Variants in RANBP17 observed in about 807,000 individuals in gnomAD.
The protein encoded by RANBP17 is RAN binding protein 17, also known as ran-binding protein 17.
Under a neutral mutation model 141.2 loss-of-function variants are expected in RANBP17, and 158 were observed. The observed-to-expected ratio is 1.12, with a 90% CI of 0.98 to 1.28. RANBP17 has a LOEUF of 1.28. Among genes scored for constraint, RANBP17 ranks in the 50% most tolerant of loss-of-function variants. The pLI, the probability that RANBP17 is intolerant of heterozygous loss-of-function variation, is 0.00. For missense variants in RANBP17, 1,438 were observed against 1,290.7 expected, an observed-to-expected ratio of 1.11 and a Z score of -1.75; for synonymous variants, 430 against 450.0, an observed-to-expected ratio of 0.96 and a Z score of 0.56.
intron 14 of RANBP17, among the ~76,000 whole-genome samples, chr5:171,090,758 G>A (rs114283917): frequency 0.014 from 2,085 of 152,286 alleles, 26 homozygotes; most frequent in Non-Finnish European, 0.019. Context: ...GATTAAAAGG[G>A]CCCAAGGTAC....
At chr5:171,205,468 C>A (rs1762523753) in intron 19 of RANBP17, 56 bp from the exon 20 acceptor site, 1 of 1,382,332 alleles carries the variant, frequency 7.2e-7, no homozygotes, top group Non-Finnish European at 1.0e-6. Flanking sequence ...GATTATTACT[C>A]CATCTGCTCT....
intron 1 of RANBP17, among the ~76,000 whole-genome samples, chr5:170,870,120 C>T (rs945438068): frequency 2.0e-5 from 3 of 151,974 alleles, no homozygotes; most frequent in Non-Finnish European, 2.9e-5. Context: ...AAAATTCAGT[C>T]CTCCAAATTT....
rs191942296 is a variant in RANBP17 at position 171,055,204 on chromosome 5, A to G, written c.1710+86827A>G. The stretch of plus-strand genomic sequence containing the variant: ...CTGATTCCTGTTTGTCCAGAATTAG[A>G]ATACTGATCCAGATTTTTACATTAC... On this transcript the variant is annotated intron_variant, in intron 14 of 27. Transcript: ENST00000523189. 1.0e-3 allele frequency among the ~76,000 whole-genome samples: 153 copies of G among 152,304 alleles called. 2 individuals are homozygous for G. The South Asian group carries it at 0.015, about 15-fold the overall frequency.
At chr5:171,081,728 G>T (rs1785267948) in intron 14 of RANBP17, among the ~76,000 whole-genome samples, 1 of 152,034 alleles carries the variant, frequency 6.6e-6, no homozygotes, top group African/African-American at 2.4e-5. Flanking sequence ...CTGATTTGAT[G>T]TTATTTTACA....
At chr5:170,936,713 TAATATA>T (rs1455895637) in intron 12 of RANBP17, among the ~76,000 whole-genome samples, 6 of 152,228 alleles carry the variant, frequency 3.9e-5, no homozygotes, top group African/African-American at 1.2e-4. Context: ...TTTTTGGGTG[TAATATA>T]AATATAAATT....
intron 24 of RANBP17, among the ~76,000 whole-genome samples, chr5:171,248,359 TC>T (rs1478743816): frequency 8.0e-6 from 1 of 124,624 alleles, no homozygotes; most frequent in Non-Finnish European, 1.6e-5. Flanking sequence ...AGAGCGAGAC[TC>T]CATCTCAAAA....
At chr5:171,038,866 A>T (rs890135815) in intron 14 of RANBP17, among the ~76,000 whole-genome samples, 6 of 152,064 alleles carry the variant, frequency 3.9e-5, no homozygotes, top group Non-Finnish European at 7.4e-5. Context: ...GTTTGCTTGT[A>T]TATTGTCGAG....
At chr5:171,188,058 C>T (rs976660745) in intron 18 of RANBP17, among the ~76,000 whole-genome samples, 1 of 151,864 alleles carries the variant, frequency 6.6e-6, no homozygotes, top group Non-Finnish European at 1.5e-5. Context: ...CATGCTTTTC[C>T]ACAGACTAAA....
At chr5:171,129,375 A>G (rs1211887581) in intron 14 of RANBP17, among the ~76,000 whole-genome samples, 1 of 152,150 alleles carries the variant, frequency 6.6e-6, no homozygotes, top group Non-Finnish European at 1.5e-5. Flanking sequence ...TAGCTAAGTT[A>G]TAATTAATTA....
At chr5:171,048,268 C>G (rs956255881) in intron 14 of RANBP17, among the ~76,000 whole-genome samples, 3 of 152,108 alleles carry the variant, frequency 2.0e-5, no homozygotes, top group Non-Finnish European at 4.4e-5. Context: ...CTCTGTTGCC[C>G]TGGCTGGTCT....
At chr5:171,165,945 A>G (rs777570719) in intron 14 of RANBP17, among the ~76,000 whole-genome samples, 1 of 152,328 alleles carries the variant, frequency 6.6e-6, no homozygotes, top group Non-Finnish European at 1.5e-5. Flanking sequence ...TTTGGGGTAT[A>G]TTATTTCACA....
At chr5:170,953,521 T>A in intron 12 of RANBP17, 76 bp from the exon 13 acceptor site, 1 of 895,260 alleles carries the variant, frequency 1.1e-6, no homozygotes, top group Non-Finnish European at 1.8e-6. Flanking sequence ...ATTGTGCTGA[T>A]TTTGGAATTT....
intron 13 of RANBP17, among the ~76,000 whole-genome samples, chr5:170,954,174 A>G (rs1170968467): frequency 2.0e-5 from 3 of 152,192 alleles, no homozygotes; most frequent in Middle Eastern, 3.2e-3. Context: ...ATACAAGTGA[A>G]TTGATTTTCC....
chr5:170,881,784 TAAATA>T lies in RANBP17; in HGVS notation c.166-17_166-13del. On this transcript the variant is annotated splice_polypyrimidine_tract_variant and intron_variant, in intron 2 of 27. Coordinates refer to ENST00000523189, the MANE Select transcript of RANBP17 (RefSeq NM_022897.5). ...ATTTTAATTTCATTTATGATAATAATAAATAAAATTATTCTTTACAGACATCCTAT... is the reference window on the plus strand; with the variant it reads ...ATTTTAATTTCATTTATGATAATAATAAATTATTCTTTACAGACATCCTAT... 1 of 1,446,870 alleles carries T rather than the reference TAAATA, an allele frequency of 6.9e-7. No individual in the cohort carries two copies. The highest frequency in any genetic ancestry group is 1.3e-5 in the South Asian group (1 of 74,288). 89.6% of individuals were successfully genotyped at this position (1,446,870 alleles called of 1,614,324 possible).
chr5:171,163,791 A>G (rs568805824), intron 14 of RANBP17, among the ~76,000 whole-genome samples: 2 of 152,168 alleles, frequency 1.3e-5, no homozygotes, highest in Non-Finnish European at 2.9e-5. Flanking sequence ...ATTACCTGAT[A>G]TGTTTTTGAG....
At chr5:171,062,299 G>T (rs186388647) in intron 14 of RANBP17, among the ~76,000 whole-genome samples, 1 of 152,166 alleles carries the variant, frequency 6.6e-6, no homozygotes, top group African/African-American at 2.4e-5. Flanking sequence ...GGCTGGTACC[G>T]GTTGTTCCTT....
At chr5:171,240,408 C>T (rs1764790212) in intron 22 of RANBP17, among the ~76,000 whole-genome samples, 1 of 152,144 alleles carries the variant, frequency 6.6e-6, no homozygotes, top group Non-Finnish European at 1.5e-5. Context: ...GCACCAAGAA[C>T]TTCTGTGTGT....
At chr5:170,953,800 C>T in intron 13 of RANBP17, 98 bp downstream of exon 13, 1 of 751,998 alleles carries the variant, frequency 1.3e-6, no homozygotes. Flanking sequence ...TGTATGTGGC[C>T]TTTTGAGGAA....
intron 14 of RANBP17, among the ~76,000 whole-genome samples, chr5:171,118,944 C>A (rs988529996): frequency 1.3e-5 from 2 of 152,042 alleles, no homozygotes; most frequent in African/African-American, 4.8e-5. Flanking sequence ...GCTCTGGATA[C>A]GACTTCAGTG....
Sources: allele counts gnomAD v4.1 joint callset (sites outside exome capture counted in the v4.1 genomes callset), GRCh38; gene constraint gnomAD v4.1.1; transcripts MANE v1.5; gene names NCBI Gene and HGNC (gene_info 2026-07-23, HGNC 2026-07-21).